LYRM4: variants seen among roughly 807,000 people sequenced by gnomAD.
The protein encoded by LYRM4 is LYR motif containing 4, also known as LYR motif-containing protein 4.
Under a neutral mutation model 11.7 loss-of-function variants are expected in LYRM4, and 9 were observed. That is an observed-to-expected ratio of 0.77 (90% CI 0.46 to 1.34). The LOEUF is 1.34. Among genes scored for constraint, LYRM4 ranks in the 40% most tolerant of loss-of-function variants. The pLI, the probability that LYRM4 is intolerant of heterozygous loss-of-function variation, is 0.00. For synonymous variants in LYRM4, 42 were observed against 40.4 expected, an observed-to-expected ratio of 1.04 and a Z score of -0.15; for missense variants, 133 against 112.5, an observed-to-expected ratio of 1.18 and a Z score of -0.82.
At chr6:5,106,488 G>A (rs1483129461), downstream of LYRM4, 3 of 152,350 alleles carry the variant, frequency 2.0e-5, no homozygotes, top group African/African-American at 7.2e-5. Context: ...GGTGGGGCTT[G>A]AGATTAACGG....
At chr6:5,258,618 A>G (rs565010722) in intron 1 of LYRM4, among the ~76,000 whole-genome samples, 2 of 152,352 alleles carry the variant, frequency 1.3e-5, no homozygotes, top group East Asian at 3.9e-4. Flanking sequence ...ACGTATTTTT[A>G]TAACAAGTAA....
the LYRM4 span, among the ~76,000 whole-genome samples, chr6:5,060,321 T>C: frequency 2.0e-5 from 3 of 152,352 alleles, no homozygotes; most frequent in African/African-American, 7.2e-5. Flanking sequence ...TGGATTTGTT[T>C]GTTATAATTT....
chr6:5,152,430 T>C lies in LYRM4; in HGVS notation c.208-42939A>G, dbSNP rs926279521. On this transcript the variant is annotated intron_variant, in intron 2 of 2. Coordinates refer to ENST00000330636, the MANE Select transcript of LYRM4 (RefSeq NM_020408.6). The stretch of plus-strand genomic sequence containing the variant: ...TGCCGGCATGACGTACTAGATTAAA[T>C]AGGGGGCGAGAGCTGGCTTTTAATA... Among the ~76,000 whole-genome samples, 96 of 152,066 alleles carry C rather than the reference T, an allele frequency of 6.3e-4. 1 individual carries two copies. The highest frequency in any genetic ancestry group is 1.0e-3 in the Admixed American group (16 of 15,250).
intron 1 of LYRM4, among the ~76,000 whole-genome samples, chr6:5,224,197 T>C (rs1321747222): frequency 6.6e-6 from 1 of 152,192 alleles, no homozygotes; most frequent in Non-Finnish European, 1.5e-5. Context: ...AGAATACAAA[T>C]AGCACATATA....
the LYRM4 span, among the ~76,000 whole-genome samples, chr6:5,080,134 T>A: frequency 1.3e-5 from 2 of 152,240 alleles, no homozygotes; most frequent in Non-Finnish European, 2.9e-5. Context: ...TCATCTGGTA[T>A]GTTTATGTGG....
downstream of LYRM4, among the ~76,000 whole-genome samples, chr6:5,098,952 A>G (rs184233142): frequency 2.4e-3 from 358 of 152,182 alleles, 2 homozygotes; most frequent in Middle Eastern, 0.01. Context: ...GACTTTTCCC[A>G]TATTTGTGGT....
At chr6:5,172,186 C>T (rs936342614) in intron 2 of LYRM4, among the ~76,000 whole-genome samples, 5 of 152,156 alleles carry the variant, frequency 3.3e-5, no homozygotes, top group African/African-American at 1.2e-4. Context: ...ACCCGGAAAC[C>T]CTAGGGTGGC....
At chr6:5,100,311 G>A (rs557784569), downstream of LYRM4, among the ~76,000 whole-genome samples, 5 of 152,280 alleles carry the variant, frequency 3.3e-5, no homozygotes, top group Admixed American at 6.5e-5. Context: ...AAGCCAGGAC[G>A]TATGGAGCCC....
At chr6:5,126,756 TATATGAA>T (rs1409659217) in intron 2 of LYRM4, among the ~76,000 whole-genome samples, 1 of 152,226 alleles carries the variant, frequency 6.6e-6, no homozygotes, top group Non-Finnish European at 1.5e-5. Flanking sequence ...TGATTCCATT[TATATGAA>T]ATATCCAGAA....
intron 2 of LYRM4, among the ~76,000 whole-genome samples, chr6:5,215,373 T>G (rs917396454): frequency 6.6e-6 from 1 of 152,222 alleles, no homozygotes; most frequent in Non-Finnish European, 1.5e-5. Context: ...TGCTGACTCA[T>G]ATAAATGCCA....
rs750409739 is a variant in LYRM4 at position 5,109,320 on chromosome 6, C to A, written c.*103G>T. ...TTATCAGCTCCCACAGGACAGGCAG[C>A]GCAAAAGGCTATTGTAAGCTGGTTT... On this transcript the variant is annotated 3_prime_UTR_variant, in exon 3 of 3. Coordinates refer to ENST00000330636, the MANE Select transcript of LYRM4 (RefSeq NM_020408.6). The A allele has an allele frequency of 1.9e-6, 3 of 1,581,468 alleles. No individual in the cohort carries two copies. The highest frequency in any genetic ancestry group is 2.6e-6 in the Non-Finnish European group (3 of 1,158,354).
the LYRM4 span, among the ~76,000 whole-genome samples, chr6:5,062,227 T>C: frequency 2.0e-3 from 292 of 148,352 alleles, no homozygotes; most frequent in African/African-American, 6.7e-3. Context: ...TAGGACTACA[T>C]GTGCACACCA....
chr6:5,147,736 A>C (rs1757806158), intron 2 of LYRM4, among the ~76,000 whole-genome samples: 1 of 152,204 alleles, frequency 6.6e-6, no homozygotes, highest in Admixed American at 6.5e-5. Flanking sequence ...CCTACTGCCT[A>C]AACATGCTTT....
At chr6:5,072,240 G>A in the LYRM4 span, among the ~76,000 whole-genome samples, 1 of 152,112 alleles carries the variant, frequency 6.6e-6, no homozygotes, top group Non-Finnish European at 1.5e-5. Context: ...TGGGCATTTA[G>A]GTTGATTCCA....
chr6:5,178,073 CA>C (rs1407862117), intron 2 of LYRM4, among the ~76,000 whole-genome samples: 1 of 152,124 alleles, frequency 6.6e-6, no homozygotes, highest in Non-Finnish European at 1.5e-5. Flanking sequence ...AGCTTAAGAG[CA>C]GTGACTAAAA....
chr6:5,152,416 C>T (rs553878142), intron 2 of LYRM4, among the ~76,000 whole-genome samples: 16 of 152,290 alleles, frequency 1.1e-4, no homozygotes, highest in East Asian at 1.9e-4. Flanking sequence ...GCCGGCATGA[C>T]GTACTAGATT....
At position 5,118,094 on chromosome 6, in the gene LYRM4, A is replaced by ATATATATATATATAT; in HGVS notation, c.208-8604_208-8603insATATATATATATATA. 5.7e-4 allele frequency among the ~76,000 whole-genome samples: 49 copies of ATATATATATATATAT among 86,126 alleles called. 1 individual carries two copies. Among genetic ancestry groups the ATATATATATATATAT allele is most frequent in the Non-Finnish European group, 9.1e-4 (38 of 41,564 alleles). The allele number at this position is 86,126 out of a possible 152,430, so 56.5% of individuals were successfully genotyped here. A position where few individuals can be genotyped will look rare whatever the true frequency, so the allele number is the denominator to read the frequency against. On this transcript the variant is annotated intron_variant, in intron 2 of 2. Coordinates refer to ENST00000330636, the MANE Select transcript of LYRM4 (RefSeq NM_020408.6). ...TCACCAAAACAATATATATATATAT[A>ATATATATATATATAT]TTTTTGTTTTGTTTTGTTTTGTTTT...
At chr6:5,149,397 C>T (rs1464285076) in intron 2 of LYRM4, among the ~76,000 whole-genome samples, 2 of 152,144 alleles carry the variant, frequency 1.3e-5, no homozygotes, top group Non-Finnish European at 2.9e-5. Context: ...GTGTCAGGCT[C>T]ATTATCTCAG....
chr6:5,164,213 A>G (rs1280407801), intron 2 of LYRM4, among the ~76,000 whole-genome samples: 4 of 152,210 alleles, frequency 2.6e-5, no homozygotes, highest in Non-Finnish European at 5.9e-5. Flanking sequence ...TGCAAAATCT[A>G]TGATCTAGCA....
Sources: gnomAD v4.1 joint callset for allele counts (sites outside exome capture counted in the v4.1 genomes callset) on GRCh38, gnomAD v4.1.1 for gene constraint, MANE v1.5 for transcripts, NCBI Gene and HGNC (gene_info 2026-07-23, HGNC 2026-07-21) for gene names.